MYO1C: variants seen among roughly 807,000 people sequenced by gnomAD.
MYO1C encodes myosin IC.
Under a neutral mutation model 150.8 loss-of-function variants are expected in MYO1C, and 104 were observed. That is an observed-to-expected ratio of 0.69 (90% CI 0.59 to 0.81). The LOEUF (loss-of-function observed/expected upper bound fraction) is 0.81. MYO1C is among the 30% of genes least tolerant of loss of function. The pLI is 0.00. For missense variants in MYO1C, 1,504 were observed against 1,435.0 expected (o/e 1.05, Z -0.78); for synonymous variants, 663 against 579.9 (o/e 1.14, Z -2.06).
Position 1,484,518 on chromosome 17 carries a change from G to C in MYO1C, c.76-215C>G, listed in dbSNP as rs904007673. ...CCGGGTGTGGAGGGCCCGGGTCCCAGTGTGGCAGCAGAGGGATCACCGAGG... is the reference window on the plus strand; with the variant it reads ...CCGGGTGTGGAGGGCCCGGGTCCCACTGTGGCAGCAGAGGGATCACCGAGG... On this transcript the variant is annotated intron_variant, in intron 1 of 31. Coordinates refer to ENST00000648651, the MANE Select transcript of MYO1C (RefSeq NM_001080779.2). The C allele has an allele frequency of 2.2e-5, 14 of 627,712 alleles. No homozygotes were observed. In the African/African-American group the frequency reaches 2.4e-4, roughly 11 times the overall value. 38.9% of individuals were successfully genotyped at this position (627,712 alleles called of 1,614,324 possible).
Position 1,485,795 on chromosome 17 carries a change from G to A in MYO1C, c.76-1492C>T, listed in dbSNP as rs1226909323. On this transcript the variant is annotated intron_variant, in intron 1 of 31. Coordinates refer to ENST00000648651, the MANE Select transcript of MYO1C (RefSeq NM_001080779.2). ...GGCGGTGGCGGCGGCGTCAGCGAGG[G>A]AGGGCCCGCCCCCCGCACCGCCCCC... The A allele has an allele frequency of 6.0e-6, 4 of 669,224 alleles. No individual in the cohort carries two copies. The African/African-American group carries it at 7.9e-5, about 13-fold the overall frequency. The allele number at this position is 669,224 out of a possible 1,614,324, so 41.5% of individuals were successfully genotyped here. A position where few individuals can be genotyped will look rare whatever the true frequency, so the allele number is the denominator to read the frequency against.
rs911248414 is a variant in MYO1C, at chr17:1,469,671, A to G, written c.2527-57T>C. 2.9e-6 allele frequency: 4 copies of G among 1,372,722 alleles called. No homozygotes were observed. The Admixed American group carries it at 7.4e-5, about 25-fold the overall frequency. The allele number at this position is 1,372,722 out of a possible 1,614,324, so 85.0% of individuals were successfully genotyped here. On this transcript the variant is annotated intron_variant, in intron 24 of 31. Transcript: ENST00000648651. ...ACACCCTGGGCCCTTCCCTCTGAAGACATCGAACATATGCTACTGCATCCT... is the reference window on the plus strand; with the variant it reads ...ACACCCTGGGCCCTTCCCTCTGAAGGCATCGAACATATGCTACTGCATCCT...
chr17:1,467,134 G>C, intron 31 of MYO1C, 108 bp downstream of exon 31: 2 of 1,022,928 alleles, frequency 2.0e-6, no homozygotes, highest in Non-Finnish European at 1.5e-6. Context: ...TGGTATGATG[G>C]CCTCTGGATG....
intron 1 of MYO1C, chr17:1,491,762 C>T: frequency 1.7e-6 from 1 of 571,564 alleles, no homozygotes; most frequent in Non-Finnish European, 2.2e-6. Flanking sequence ...CCGCCCCGCC[C>T]CGCCTCAGCC....
intron 1 of MYO1C, chr17:1,484,872 T>TGCC: frequency 3.8e-5 from 13 of 341,194 alleles, no homozygotes; most frequent in South Asian, 1.1e-4. Context: ...GGGCCGTCTC[T>TGCC]CCCACCCAGA....
At chr17:1,483,409 A>T (rs1338969654) in intron 3 of MYO1C, among the ~76,000 whole-genome samples, 1 of 151,622 alleles carries the variant, frequency 6.6e-6, no homozygotes, top group Non-Finnish European at 1.5e-5. Flanking sequence ...CATGGGTGTG[A>T]GTCGGGGTAG....
At position 1,482,520 on chromosome 17, in the gene MYO1C, G is replaced by A. The variant is rs1040304266; in HGVS notation, c.585C>T (p.Ser195=). Residue 195 remains serine, a synonymous_variant, in exon 5 of 32, where the codon TCC becomes TCT. Coordinates refer to ENST00000648651, the MANE Select transcript of MYO1C (RefSeq NM_001080779.2). ...GNAKTLRNDN[S]SRFGKYMDVQ... The stretch of plus-strand genomic sequence containing the variant: ...CATCCATGTACTTCCCGAACCTGCT[G>A]GAGTTATCGTTCCGGAGGGTCTTGG... 10 of 1,613,914 alleles carry A rather than the reference G, an allele frequency of 6.2e-6. No homozygotes were observed. Among genetic ancestry groups the A allele is most frequent in the African/African-American group, 2.7e-5 (2 of 74,862 alleles).
In MYO1C at chr17:1,478,571, C is replaced by T. The variant is rs745757929; in HGVS notation, c.1212+45G>A. The T allele has an allele frequency of 9.3e-6, 15 of 1,613,800 alleles. No homozygotes were observed. The highest frequency in any genetic ancestry group is 5.3e-5 in the African/African-American group (4 of 74,930). On this transcript the variant is annotated intron_variant, in intron 10 of 31. Coordinates refer to ENST00000648651, the MANE Select transcript of MYO1C (RefSeq NM_001080779.2). The surrounding 1 kb of genome is among the most constrained non-coding windows in gnomAD (Gnocchi z 6.3). Reference sequence around the variant, plus strand: ...CCTGCAGCACCCCCCGCCTCGCCGACGGCCCTCCCTTCTGCCTTGGGAGCA... The same window carrying T: ...CCTGCAGCACCCCCCGCCTCGCCGATGGCCCTCCCTTCTGCCTTGGGAGCA...
At position 1,478,246 on chromosome 17, in the gene MYO1C, G is replaced by A. The variant is rs1304394953; in HGVS notation, c.1296-54C>T. The stretch of plus-strand genomic sequence containing the variant: ...GCTCAGTGGGGACACAGGACCAGGA[G>A]AGGGGAAAAGCTGGACGACGCCCCT... On this transcript the variant is annotated intron_variant, in intron 11 of 31. Transcript: ENST00000648651. This position sits in a 1 kb window ranked among gnomAD's most constrained non-coding sequence, Gnocchi z 6.3. 1 of 1,585,374 alleles carries A rather than the reference G, an allele frequency of 6.3e-7. No homozygotes were observed. Among genetic ancestry groups the A allele is most frequent in the Non-Finnish European group, 8.7e-7 (1 of 1,155,492 alleles).
chr17:1,468,961 G>A (rs769512508), intron 25 of MYO1C: 46 of 297,582 alleles, frequency 1.5e-4, no homozygotes, highest in Non-Finnish European at 2.4e-4. Flanking sequence ...TCAACACAGG[G>A]TTCTGAGCAG....
chr17:1,485,271 G>C, intron 1 of MYO1C: 3 of 1,155,120 alleles, frequency 2.6e-6, no homozygotes, highest in Non-Finnish European at 3.2e-6. Context: ...GAGTATCCAG[G>C]GTCAGAGAAG....
rs2074563875 is a variant in MYO1C at position 1,482,905 on chromosome 17, C to T, written c.502G>A (p.Gly168Ser). 3.8e-6 allele frequency: 6 copies of T among 1,595,930 alleles called. No individual in the cohort carries two copies. The highest frequency in any genetic ancestry group is 1.7e-5 in the Admixed American group (1 of 58,158). The change falls in exon 4 of 32, where the codon GGT becomes AGT. Residue 168 changes from glycine to serine, a missense_variant. Physicochemically the swap from Gly to Ser is moderately conservative, Grantham distance 56 (BLOSUM62 0). Transcript: ENST00000648651. ...TGTAGCAGCCGGTCCCGCACGGCAC[C>T]TCCGCGCTCGGGGGCTGGGCAGGTC... ...AETCPAPERGGAVRDRLLQSN... is the reference protein window; with the variant it reads ...AETCPAPERGSAVRDRLLQSN...
chr17:1,465,705 A>G lies in MYO1C; in HGVS notation c.*21T>C. 7.5e-7 allele frequency: 1 copy of G among 1,328,790 alleles called. No homozygotes were observed. Among genetic ancestry groups the G allele is most frequent in the South Asian group, 2.6e-5 (1 of 38,008 alleles). The allele number at this position is 1,328,790 out of a possible 1,614,324, so 82.3% of individuals were successfully genotyped here. A position where few individuals can be genotyped will look rare whatever the true frequency, so the allele number is the denominator to read the frequency against. ...GAAAAGCAAAGCATTGGGCGTTGGG[A>G]GGGTCCAGTGGGCGCCTTTATCACC... On this transcript the variant is annotated 3_prime_UTR_variant, in exon 32 of 32. Transcript: ENST00000648651.
intron 1 of MYO1C, chr17:1,484,549 G>A (rs1460992048): frequency 3.3e-6 from 2 of 601,134 alleles, no homozygotes; most frequent in Non-Finnish European, 6.0e-6. Context: ...CGAGGCTGCG[G>A]GCACAGAACA....
chr17:1,492,217 C>T (rs544234358), intron 1 of MYO1C, among the ~76,000 whole-genome samples, 196 bp downstream of exon 1: 1 of 152,360 alleles, frequency 6.6e-6, no homozygotes, highest in Admixed American at 6.5e-5. Flanking sequence ...CCTCCACTTC[C>T]AAAAATCCTG....
rs372160643 is a variant in MYO1C at position 1,467,509 on chromosome 17, G to A, written c.3036C>T (p.Arg1012=). Residue 1012 remains arginine, a synonymous_variant, in exon 30 of 32, where the codon CGC becomes CGT. Transcript: ENST00000648651. ...CCTGGTTGATGTTGATGCTGTTCAC[G>A]CGGTTGGCACTGAGGGCTGTCTTGG... ...TLTKTALSAN[R]VNSININQGS... The A allele has an allele frequency of 8.7e-6, 14 of 1,613,204 alleles. No homozygotes were observed. The highest frequency in any genetic ancestry group is 1.7e-5 in the Admixed American group (1 of 59,946).
At chr17:1,481,932 G>A (rs1189229288) in intron 5 of MYO1C, among the ~76,000 whole-genome samples, 5 of 151,706 alleles carry the variant, frequency 3.3e-5, no homozygotes, top group South Asian at 2.1e-4. Context: ...TGTGGCCTCC[G>A]TGCTGTCCTG....
chr17:1,492,545 G>GC lies in MYO1C; in HGVS notation c.-59dup. 1 of 1,514,170 alleles carries GC rather than the reference G, an allele frequency of 6.6e-7. No individual in the cohort carries two copies. Among genetic ancestry groups the GC allele is most frequent in the Admixed American group, 1.9e-5 (1 of 52,188 alleles). The allele number at this position is 1,514,170 out of a possible 1,614,324, so 93.8% of individuals were successfully genotyped here. On this transcript the variant is annotated 5_prime_UTR_variant, in exon 1 of 32. Transcript: ENST00000648651. Reference sequence around the variant, plus strand: ...CGCGGCCTGTGAGCAAGAGCTGCCTGCCCACTGGCGGGCTCCGACCACTCC... The same window carrying GC: ...CGCGGCCTGTGAGCAAGAGCTGCCTGCCCCACTGGCGGGCTCCGACCACTCC...
At chr17:1,486,684 T>G (rs947926003) in intron 1 of MYO1C, among the ~76,000 whole-genome samples, 10 of 152,000 alleles carry the variant, frequency 6.6e-5, no homozygotes, top group Non-Finnish European at 1.2e-4. Flanking sequence ...CTCGGCTAAT[T>G]TTTGTATTTT....
Sources: allele counts gnomAD v4.1 joint callset (sites outside exome capture counted in the v4.1 genomes callset), GRCh38; gene constraint gnomAD v4.1.1; non-coding constraint Gnocchi (gnomAD v3.1); transcripts MANE v1.5; gene names NCBI Gene and HGNC (gene_info 2026-07-23, HGNC 2026-07-21).